The following GGT5 variants were observed in gnomAD, a reference collection of about 807,000 sequenced individuals.
GGT5 encodes gamma-glutamyltransferase 5, also known as glutathione hydrolase 5 proenzyme.
A neutral mutation model predicts 58.1 loss-of-function variants in GGT5; 50 were observed. The ratio of observed to expected loss-of-function variants is 0.86; its 90% CI spans 0.69 to 1.09. GGT5 has a LOEUF of 1.09. Among genes scored for constraint, GGT5 ranks in the 50% least tolerant of loss-of-function variants. The pLI is 0.00. For missense variants in GGT5, 800 were observed against 789.4 expected, an observed-to-expected ratio of 1.01 and a Z score of -0.16; for synonymous variants, 370 against 346.1, an observed-to-expected ratio of 1.07 and a Z score of -0.77.
At chr22:24,238,628 C>T (rs1230638141) in intron 1 of GGT5, among the ~76,000 whole-genome samples, 3 of 129,456 alleles carry the variant, frequency 2.3e-5, no homozygotes, top group African/African-American at 5.9e-5. Context: ...CACTTGAACC[C>T]GGGAGGCAGA....
rs1317174930 is a variant in GGT5, at chr22:24,238,834, TA to T, written c.174-4831del. ...TATATTATATATATATATATATATT[TA>T]TATATATATATTATATATATTATAT... On this transcript the variant is annotated intron_variant, in intron 1 of 11. Coordinates refer to ENST00000327365, the MANE Select transcript of GGT5 (RefSeq NM_004121.5). Among the ~76,000 whole-genome samples, 34 of 12,134 alleles carry T rather than the reference TA, an allele frequency of 2.8e-3. 2 individuals are homozygous for T. Among genetic ancestry groups the T allele is most frequent in the African/African-American group, 0.019 (33 of 1,744 alleles). The allele number at this position is 12,134 out of a possible 152,430, so 8.0% of individuals were successfully genotyped here.
intron 1 of GGT5, among the ~76,000 whole-genome samples, chr22:24,235,972 G>T (rs2048084177): frequency 6.6e-6 from 1 of 152,130 alleles, no homozygotes; most frequent in Non-Finnish European, 1.5e-5. Flanking sequence ...CCCAGGCTTG[G>T]TCCATGGTCC....
In GGT5 at chr22:24,223,025, G is replaced by C. The variant is rs184665457; in HGVS notation, c.1614+1971C>G. Among the ~76,000 whole-genome samples the C allele has an allele frequency of 1.1e-3, 167 of 152,060 alleles. 1 individual carries two copies. Among genetic ancestry groups the C allele is most frequent in the Middle Eastern group, 0.01 (3 of 294 alleles). On this transcript the variant is annotated intron_variant, in intron 11 of 11. Transcript: ENST00000327365. ...GAATGGCGTGAACTCGGGAGGCAGA[G>C]CTTGCAGTGAGCCAAGATCGTGCCA...
Position 24,219,810 on chromosome 22 carries a change from T to C in GGT5, c.*160A>G. Reference sequence around the variant, plus strand: ...AGGGGGTTAGGGATGAGGCTCAGCCTCTCATCTGCCCAGCTGGTCCCCGCC... The same window carrying C: ...AGGGGGTTAGGGATGAGGCTCAGCCCCTCATCTGCCCAGCTGGTCCCCGCC... On this transcript the variant is annotated 3_prime_UTR_variant, in exon 12 of 12. Coordinates refer to ENST00000327365, the MANE Select transcript of GGT5 (RefSeq NM_004121.5). The C allele has an allele frequency of 1.5e-6, 1 of 664,176 alleles. No individual in the cohort carries two copies. The allele number at this position is 664,176 out of a possible 1,614,324, so 41.1% of individuals were successfully genotyped here. A position where few individuals can be genotyped will look rare whatever the true frequency, so the allele number is the denominator to read the frequency against.
At chr22:24,236,251 C>A (rs913730054) in intron 1 of GGT5, among the ~76,000 whole-genome samples, 4 of 152,154 alleles carry the variant, frequency 2.6e-5, no homozygotes, top group African/African-American at 9.7e-5. Context: ...GAAATTGACA[C>A]AACCACTCCC....
In GGT5 at chr22:24,244,684, C is replaced by G. The variant is rs543071469; in HGVS notation, c.42G>C (p.Leu14=). ...TGACAGCCAGCGCCAGCCCCAGACCCAGCAGGACTAGGCTGACCGTGGCCC... is the reference window on the plus strand; with the variant it reads ...TGACAGCCAGCGCCAGCCCCAGACCGAGCAGGACTAGGCTGACCGTGGCCC... The part of the protein sequence containing the change: ...GYGATVSLVL[L]GLGLALAVIV... The change falls in exon 1 of 12, where the codon CTG becomes CTC. Residue 14 remains leucine (L), a synonymous_variant. Coordinates refer to ENST00000327365, the MANE Select transcript of GGT5 (RefSeq NM_004121.5). The G allele has an allele frequency of 1.9e-4, 305 of 1,612,800 alleles. 4 individuals are homozygous for G. In the Middle Eastern group the frequency reaches 3.7e-3, roughly 20 times the overall value.
At position 24,225,110 on chromosome 22, in the gene GGT5, G is replaced by C. The variant is rs1373398734; in HGVS notation, c.1504-4C>G. The C allele has an allele frequency of 5.0e-6, 8 of 1,599,328 alleles. 1 individual carries two copies. In the South Asian group the frequency reaches 8.9e-5, roughly 18 times the overall value. ...GCCACAGCTTGCTCATGATGGCCTG[G>C]GGGAGAGATGAGGGTTTCAGGGAGA... On this transcript the variant is annotated splice_polypyrimidine_tract_variant and splice_region_variant and intron_variant, in intron 10 of 11. Transcript: ENST00000327365.
Position 24,219,829 on chromosome 22 carries a change from C to A in GGT5, c.*141G>T. ...TCAGCCTCTCATCTGCCCAGCTGGT[C>A]CCCGCCACCTCTTCCACTCTCAGCT... On this transcript the variant is annotated 3_prime_UTR_variant, in exon 12 of 12. Transcript: ENST00000327365. The A allele has an allele frequency of 1.3e-6, 1 of 766,456 alleles. No individual in the cohort carries two copies. Among genetic ancestry groups the A allele is most frequent in the Non-Finnish European group, 2.1e-6 (1 of 477,782 alleles). 47.5% of individuals were successfully genotyped at this position (766,456 alleles called of 1,614,324 possible). A position where few individuals can be genotyped will look rare whatever the true frequency, so the allele number is the denominator to read the frequency against.
intron 6 of GGT5, among the ~76,000 whole-genome samples, chr22:24,230,559 A>T (rs2047907592): frequency 6.6e-6 from 1 of 151,938 alleles, no homozygotes; most frequent in South Asian, 2.1e-4. Flanking sequence ...CACCGTCTCA[A>T]TAATTAATAA....
At chr22:24,239,558 G>T (rs1232799277) in intron 1 of GGT5, among the ~76,000 whole-genome samples, 1 of 152,016 alleles carries the variant, frequency 6.6e-6, no homozygotes, top group Non-Finnish European at 1.5e-5. Flanking sequence ...TTGGCCATAA[G>T]ATTGTTGTTG....
Sources: gnomAD v4.1 joint callset for allele counts (sites outside exome capture counted in the v4.1 genomes callset) on GRCh38, gnomAD v4.1.1 for gene constraint, MANE v1.5 for transcripts, NCBI Gene and HGNC (gene_info 2026-07-23, HGNC 2026-07-21) for gene names.